Variants in OTOGL observed in about 807,000 individuals in gnomAD.
OTOGL encodes the protein otogelin-like protein.
In OTOGL, 285 loss-of-function variants were observed where a neutral mutation model predicts 318.5. That is an observed-to-expected ratio of 0.89 (90% CI 0.81 to 0.99). OTOGL has a LOEUF of 0.99. Among genes scored for constraint, OTOGL ranks in the 50% least tolerant of loss-of-function variants. The probability of loss-of-function intolerance (pLI) is 0.00; values close to 1 mark genes in which losing one functional copy is unlikely to be tolerated. For missense variants in OTOGL, 2,899 were observed against 2,845.6 expected (o/e 1.02, Z -0.43); for synonymous variants, 987 against 936.5 (o/e 1.05, Z -0.99).
At chr12:80,132,386 G>C (rs1191201594) in intron 1 of OTOGL, 1 of 152,120 alleles carries the variant, frequency 6.6e-6, no homozygotes, top group Non-Finnish European at 1.5e-5. Context: ...TGTGTGGACT[G>C]TACATATAGG....
chr12:80,339,298 G>GTCTTTT (rs1888610588), intron 43 of OTOGL, 34 bp downstream of exon 43: 2 of 445,022 alleles, frequency 4.5e-6, no homozygotes, highest in Non-Finnish European at 6.2e-6. Flanking sequence ...GATTTCGTCT[G>GTCTTTT]TTTTTTTTTT....
At position 80,296,911 on chromosome 12, in the gene OTOGL, A is replaced by G; in HGVS notation, c.3013A>G (p.Ile1005Val). 1 of 1,547,728 alleles carries G rather than the reference A, an allele frequency of 6.5e-7. No individual in the cohort carries two copies. The highest frequency in any genetic ancestry group is 8.7e-7 in the Non-Finnish European group (1 of 1,149,560). The change falls in exon 27 of 59, where the codon ATT becomes GTT. Residue 1005 changes from isoleucine (I) to valine (V), a missense_variant. Ile to Val is a conservative substitution (Grantham distance 29). Transcript: ENST00000547103. ...NDIVCSKSVLISVGDTEIYLN... is the reference protein window; with the variant it reads ...NDIVCSKSVLVSVGDTEIYLN... Reference sequence around the variant, plus strand: ...TATTGTTTGTTCTAAAAGTGTTTTGATTTCAGTTGGGGACACTGAAATTTA... The same window carrying G: ...TATTGTTTGTTCTAAAAGTGTTTTGGTTTCAGTTGGGGACACTGAAATTTA...
chr12:80,288,736 A>C (rs992606352), intron 26 of OTOGL, among the ~76,000 whole-genome samples: 1 of 151,866 alleles, frequency 6.6e-6, no homozygotes, highest in African/African-American at 2.4e-5. Flanking sequence ...TGTGTCTTTC[A>C]ACTCCACCAG....
chr12:80,250,824 G>C (rs1006838333), intron 11 of OTOGL, among the ~76,000 whole-genome samples: 6 of 152,284 alleles, frequency 3.9e-5, no homozygotes, highest in Admixed American at 6.5e-5. Flanking sequence ...GGATTAGGTT[G>C]AAAAACAAGC....
At chr12:80,188,805 A>G (rs537976989) in intron 1 of OTOGL, among the ~76,000 whole-genome samples, 10 of 152,294 alleles carry the variant, frequency 6.6e-5, no homozygotes, top group African/African-American at 2.4e-4. Flanking sequence ...AGGATCATAA[A>G]CAATCGATCC....
At chr12:80,133,913 C>G (rs1229260843) in intron 1 of OTOGL, among the ~76,000 whole-genome samples, 1 of 151,594 alleles carries the variant, frequency 6.6e-6, no homozygotes, top group Non-Finnish European at 1.5e-5. Flanking sequence ...CTGGCCTGGG[C>G]AACATAGTGA....
chr12:80,341,799 A>G, intron 43 of OTOGL, 149 bp from the exon 44 acceptor site: 1 of 618,348 alleles, frequency 1.6e-6, no homozygotes. Context: ...TTAAAAAGTT[A>G]TTTCAATGTA....
intron 1 of OTOGL, among the ~76,000 whole-genome samples, chr12:80,202,785 A>C (rs987356081): frequency 6.6e-6 from 1 of 152,186 alleles, no homozygotes; most frequent in South Asian, 2.1e-4. Flanking sequence ...GTTACTGGAT[A>C]GAGGTAGTCA....
At chr12:80,357,418 T>C (rs1566012158) in intron 49 of OTOGL, among the ~76,000 whole-genome samples, 1 of 152,126 alleles carries the variant, frequency 6.6e-6, no homozygotes, top group Non-Finnish European at 1.5e-5. Context: ...ATTTTTTTTT[T>C]CAAATGAATC....
chr12:80,256,251 C>T, intron 16 of OTOGL, 86 bp from the exon 17 acceptor site: 4 of 1,407,198 alleles, frequency 2.8e-6, no homozygotes, highest in South Asian at 1.4e-5. Context: ...TCCCCTTCTC[C>T]CTTTCTCCCA....
At chr12:80,208,297 T>C (rs772544280) in intron 1 of OTOGL, 4 of 482,694 alleles carry the variant, frequency 8.3e-6, no homozygotes, top group Middle Eastern at 3.3e-4. Flanking sequence ...TGTTGGACCA[T>C]GTAACATTAG....
At chr12:80,255,708 CAAT>C (rs1881974945) in intron 16 of OTOGL, among the ~76,000 whole-genome samples, 1 of 151,844 alleles carries the variant, frequency 6.6e-6, no homozygotes, top group African/African-American at 2.4e-5. Flanking sequence ...GTAAACTCAT[CAAT>C]AATTTCTAAA....
chr12:80,312,998 G>A (rs550135152), intron 30 of OTOGL, among the ~76,000 whole-genome samples: 16 of 152,094 alleles, frequency 1.1e-4, no homozygotes, highest in African/African-American at 3.9e-4. Context: ...CTACTTAAAT[G>A]TAATGCAAAT....
intron 1 of OTOGL, among the ~76,000 whole-genome samples, chr12:80,148,183 G>A (rs552273002): frequency 9.9e-5 from 15 of 151,240 alleles, no homozygotes; most frequent in East Asian, 3.9e-4. Context: ...ATTTTGCAGC[G>A]GCTGGTACCG....
intron 46 of OTOGL, among the ~76,000 whole-genome samples, chr12:80,355,229 C>CTTCTTT (rs1889806704): frequency 2.0e-5 from 1 of 50,022 alleles, no homozygotes; most frequent in Non-Finnish European, 5.6e-5. Flanking sequence ...TCTTTCTTTT[C>CTTCTTT]TTTTTTTTTT....
At position 80,108,914 on chromosome 12, in the gene OTOGL, A is replaced by ATATGTG. The variant is rs1262241263; in HGVS notation, c.-20+9310_-20+9311insATGTGT. 4.1e-5 allele frequency among the ~76,000 whole-genome samples: 5 copies of ATATGTG among 122,452 alleles called. 1 individual carries two copies. Among genetic ancestry groups the ATATGTG allele is most frequent in the African/African-American group, 1.7e-4 (5 of 28,882 alleles). 80.3% of individuals were successfully genotyped at this position (122,452 alleles called of 152,430 possible). The stretch of plus-strand genomic sequence containing the variant: ...TATGTGTATATATATGTGTATATAT[A>ATATGTG]TGTGTATATATATATGTGTGTGTAT... On this transcript the variant is annotated intron_variant, in intron 1 of 58. Coordinates refer to ENST00000547103, the MANE Select transcript of OTOGL (RefSeq NM_001378609.3).
intron 42 of OTOGL, among the ~76,000 whole-genome samples, chr12:80,338,406 G>T (rs1888541446): frequency 6.6e-6 from 1 of 151,926 alleles, no homozygotes; most frequent in Non-Finnish European, 1.5e-5. Context: ...GACATTGAAT[G>T]GTTGGTGAGG....
intron 1 of OTOGL, among the ~76,000 whole-genome samples, chr12:80,117,601 TA>T (rs1378785018): frequency 6.6e-6 from 1 of 152,202 alleles, no homozygotes. Flanking sequence ...ATAATCTCCT[TA>T]AAGCATCTGA....
Position 80,352,341 on chromosome 12 carries a change from AT to A in OTOGL, c.5317del (p.Trp1773GlyfsTer32). The A allele has an allele frequency of 1.2e-6, 2 of 1,612,474 alleles. No individual in the cohort carries two copies. The highest frequency in any genetic ancestry group is 1.7e-5 in the Admixed American group (1 of 59,756). On this transcript the variant is annotated frameshift_variant, in exon 45 of 59. Coordinates refer to ENST00000547103, the MANE Select transcript of OTOGL (RefSeq NM_001378609.3). LOFTEE classifies it high-confidence loss of function. Reference sequence around the variant, plus strand: ...GAAAAGATGTGGATCAATTATACCTATTTTTGGAACTATGAATGTGATGCAC... The same window carrying A: ...GAAAAGATGTGGATCAATTATACCTATTTTGGAACTATGAATGTGATGCAC... ...FCEKMWINYT[Y>X]FWNYECDALS... is the part of the protein sequence containing the mutation.
Sources: allele counts gnomAD v4.1 joint callset (sites outside exome capture counted in the v4.1 genomes callset), GRCh38; gene constraint gnomAD v4.1.1; transcripts MANE v1.5; gene names NCBI Gene and HGNC (gene_info 2026-07-23, HGNC 2026-07-21).